The following LACTB2 variants were observed in gnomAD, a reference collection of about 807,000 sequenced individuals.
LACTB2 encodes lactamase beta 2, also known as endoribonuclease LACTB2.
LACTB2 carries 32 observed loss-of-function variants against 34.8 expected under a neutral mutation model. That is an observed-to-expected ratio of 0.92 (90% CI 0.69 to 1.24). LACTB2 has a LOEUF of 1.24. Ranked by LOEUF, LACTB2 falls within the 50% of genes most tolerant of loss-of-function variation. The probability of loss-of-function intolerance (pLI) is 0.00; values close to 1 mark genes in which losing one functional copy is unlikely to be tolerated. For synonymous variants in LACTB2, 120 were observed against 117.5 expected, an observed-to-expected ratio of 1.02 and a Z score of -0.14; for missense variants, 320 against 345.0, an observed-to-expected ratio of 0.93 and a Z score of 0.57.
chr8:70,662,849 G>C (rs1353215457), intron 1 of LACTB2: 1 of 151,846 alleles, frequency 6.6e-6, no homozygotes, highest in South Asian at 2.1e-4. Flanking sequence ...CACCATGCCC[G>C]GCTCATTTTT....
Position 70,657,839 on chromosome 8 carries a change from T to C in LACTB2, c.330A>G (p.Arg110=). 6.2e-7 allele frequency: 1 copy of C among 1,610,130 alleles called. No individual in the cohort carries two copies. Among genetic ancestry groups the C allele is most frequent in the South Asian group, 1.1e-5 (1 of 90,988 alleles). ...CIKKLPRNPQ[R]EEIIGNGEQQ... is the part of the protein sequence containing the mutation. Reference sequence around the variant, plus strand: ...GCTCTCCATTTCCTATAATTTCTTCTCTCTGAGGATTCCGTGGGAGTTTTT... The same window carrying C: ...GCTCTCCATTTCCTATAATTTCTTCCCTCTGAGGATTCCGTGGGAGTTTTT... Residue 110 remains arginine (R), a synonymous_variant, in exon 3 of 7, where the codon AGA becomes AGG. Transcript: ENST00000276590.
At chr8:70,657,712 T>C in intron 3 of LACTB2, 44 bp downstream of exon 3, 3 of 1,570,932 alleles carry the variant, frequency 1.9e-6, no homozygotes, top group Non-Finnish European at 2.6e-6. Context: ...ATAACACACA[T>C]ACACAGACTC....
At chr8:70,642,462 T>C (rs1244249464) in intron 4 of LACTB2, among the ~76,000 whole-genome samples, 1 of 152,072 alleles carries the variant, frequency 6.6e-6, no homozygotes, top group Non-Finnish European at 1.5e-5. Flanking sequence ...CTAGTCCCTT[T>C]TTCCTTTTGG....
At chr8:70,659,369 C>T (rs867474295) in intron 2 of LACTB2, among the ~76,000 whole-genome samples, 9 of 151,938 alleles carry the variant, frequency 5.9e-5, no homozygotes, top group African/African-American at 9.7e-5. Flanking sequence ...AGGGTTAAGA[C>T]GGTAGCACTG....
Position 70,669,015 on chromosome 8 carries a change from C to G in LACTB2, c.106G>C (p.Val36Leu). ...GACGTTTACCTGGGGCCGGTCCCCA[C>G]TAGGTAGGTGTTGGTGCCTTGGAGG... ...MTLQGTNTYL[V>L]GTGPRRILID... The change falls in exon 1 of 7, where the codon GTG becomes CTG. Residue 36 changes from valine (V) to leucine (L), a missense_variant. Val to Leu is a conservative substitution (Grantham distance 32). Transcript: ENST00000276590. 1 of 1,596,812 alleles carries G rather than the reference C, an allele frequency of 6.3e-7. No individual in the cohort carries two copies. Among genetic ancestry groups the G allele is most frequent in the South Asian group, 1.1e-5 (1 of 88,562 alleles).
At chr8:70,653,781 C>T (rs375715382) in intron 3 of LACTB2, 1 of 152,122 alleles carries the variant, frequency 6.6e-6, no homozygotes, top group Non-Finnish European at 1.5e-5. Context: ...ATGAAAACCT[C>T]CCATGCAATA....
intron 5 of LACTB2, among the ~76,000 whole-genome samples, 184 bp from the exon 6 acceptor site, chr8:70,638,813 C>G (rs1818157470): frequency 6.6e-6 from 1 of 150,666 alleles, no homozygotes; most frequent in Admixed American, 6.6e-5. Flanking sequence ...CATCTCGGCT[C>G]ACTGCAACCT....
chr8:70,651,624 C>T (rs1460796880), intron 3 of LACTB2, among the ~76,000 whole-genome samples: 1 of 151,946 alleles, frequency 6.6e-6, no homozygotes, highest in Non-Finnish European at 1.5e-5. Flanking sequence ...TCCCTGACCC[C>T]CTACCACACC....
chr8:70,639,146 C>T (rs1279795022), intron 5 of LACTB2, among the ~76,000 whole-genome samples: 4 of 151,938 alleles, frequency 2.6e-5, no homozygotes, highest in African/African-American at 9.7e-5. Context: ...GTTGTAAGCT[C>T]CATAAAGACA....
chr8:70,667,947 T>C (rs1034342257), intron 1 of LACTB2, among the ~76,000 whole-genome samples: 1 of 152,220 alleles, frequency 6.6e-6, no homozygotes, highest in African/African-American at 2.4e-5. Flanking sequence ...CAAGACAGAC[T>C]GTACCCTAGA....
intron 3 of LACTB2, chr8:70,653,892 C>CAT (rs1349074684): frequency 1.3e-5 from 2 of 152,150 alleles, no homozygotes; most frequent in Admixed American, 6.5e-5. Flanking sequence ...ATGGAAGGAG[C>CAT]ATACATCATT....
At chr8:70,654,739 G>A (rs1188107842) in intron 3 of LACTB2, 1 of 152,218 alleles carries the variant, frequency 6.6e-6, no homozygotes, top group Non-Finnish European at 1.5e-5. Context: ...CCTAAGGTCT[G>A]AGCGGTCACC....
chr8:70,637,550 TATC>T lies in LACTB2; in HGVS notation c.*307_*309del, dbSNP rs1169021928. 1 of 166,874 alleles carries T rather than the reference TATC, an allele frequency of 6.0e-6. No individual in the cohort carries two copies. Among genetic ancestry groups the T allele is most frequent in the African/African-American group, 2.4e-5 (1 of 42,048 alleles). 10.3% of individuals were successfully genotyped at this position (166,874 alleles called of 1,614,324 possible). On this transcript the variant is annotated 3_prime_UTR_variant, in exon 7 of 7. Transcript: ENST00000276590. ...ATAGATAACTAACGGCCAAAAATAA[TATC>T]AACTTTAAATTAGATAAATTTTATT... is the stretch of plus-strand genomic sequence containing the variant.
chr8:70,668,765 T>G (rs1818576144), intron 1 of LACTB2, among the ~76,000 whole-genome samples: 1 of 151,446 alleles, frequency 6.6e-6, no homozygotes, highest in Non-Finnish European at 1.5e-5. Flanking sequence ...TTTTTTTTTT[T>G]TTTTTTTTTT....
intron 1 of LACTB2, among the ~76,000 whole-genome samples, chr8:70,668,534 T>A (rs1384090896): frequency 6.6e-6 from 1 of 152,174 alleles, no homozygotes; most frequent in Non-Finnish European, 1.5e-5. Flanking sequence ...GCCAGGAGAA[T>A]CCTGCCCTCT....
In LACTB2 at chr8:70,639,754, G is replaced by A. The variant is rs537898302; in HGVS notation, c.742-1125C>T. Among the ~76,000 whole-genome samples the A allele has an allele frequency of 5.9e-5, 9 of 151,836 alleles. No homozygotes were observed. In the East Asian group the frequency reaches 1.6e-3, roughly 27 times the overall value. On this transcript the variant is annotated intron_variant, in intron 5 of 6. Transcript: ENST00000276590. ...GAGGCGGGTGGATCACCTGAGGTCG[G>A]GAGTTCGAGACCAGTCTGACCAACA...
chr8:70,642,550 C>A (rs1008534045), intron 4 of LACTB2, among the ~76,000 whole-genome samples: 3 of 136,494 alleles, frequency 2.2e-5, no homozygotes, highest in African/African-American at 8.6e-5. Flanking sequence ...GTTGCGTGAT[C>A]TCTGCTCACT....
intron 3 of LACTB2, chr8:70,646,464 C>A (rs1818265274): frequency 6.6e-6 from 1 of 152,122 alleles, no homozygotes; most frequent in South Asian, 2.1e-4. Context: ...TCATCACTGG[C>A]CATCAGAGAA....
At chr8:70,667,070 T>C (rs190577008) in intron 1 of LACTB2, among the ~76,000 whole-genome samples, 3 of 152,166 alleles carry the variant, frequency 2.0e-5, no homozygotes, top group African/African-American at 4.8e-5. Flanking sequence ...TAGAAGAACA[T>C]GAGAGATGAG....
Sources: gnomAD v4.1 joint callset for allele counts (sites outside exome capture counted in the v4.1 genomes callset) on GRCh38, gnomAD v4.1.1 for gene constraint, MANE v1.5 for transcripts, NCBI Gene and HGNC (gene_info 2026-07-23, HGNC 2026-07-21) for gene names.